PDZD2: variants seen among roughly 807,000 people sequenced by gnomAD.
The protein encoded by PDZD2 is PDZ domain containing 2, also known as PDZ domain-containing protein 2.
PDZD2 carries 90 observed loss-of-function variants against 220.7 expected under a neutral mutation model. That is an observed-to-expected ratio of 0.41 (90% CI 0.34 to 0.49). The LOEUF (loss-of-function observed/expected upper bound fraction) is 0.49. Ranked by LOEUF, PDZD2 falls within the 20% of genes least tolerant of loss-of-function variation. The pLI, the probability that PDZD2 is intolerant of heterozygous loss-of-function variation, is 0.28. For synonymous variants in PDZD2, 1,375 were observed against 1,450.5 expected (o/e 0.95, Z 1.18); for missense variants, 3,174 against 3,608.5 (o/e 0.88, Z 3.08).
intron 6 of PDZD2, among the ~76,000 whole-genome samples, chr5:32,018,419 A>G (rs936923697): frequency 2.0e-5 from 3 of 152,248 alleles, no homozygotes; most frequent in African/African-American, 7.2e-5. Flanking sequence ...TCTGCAGTTC[A>G]GGGACAGAGG....
intron 3 of PDZD2, among the ~76,000 whole-genome samples, chr5:31,988,857 G>A (rs903810187): frequency 9.2e-5 from 14 of 152,062 alleles, no homozygotes; most frequent in Non-Finnish European, 1.9e-4. Context: ...TTTCCTAGGG[G>A]ACCAAGCCTC....
chr5:31,838,005 A>C (rs1757051297), intron 2 of PDZD2, among the ~76,000 whole-genome samples: 7 of 152,252 alleles, frequency 4.6e-5, no homozygotes, highest in Admixed American at 4.6e-4. Flanking sequence ...GAAACAGGTA[A>C]AATACACAAA....
chr5:31,876,415 C>G (rs967538154), intron 2 of PDZD2, among the ~76,000 whole-genome samples: 5 of 151,900 alleles, frequency 3.3e-5, no homozygotes, highest in African/African-American at 1.2e-4. Context: ...GCCTCAGCCT[C>G]CCAAGTACCT....
intron 2 of PDZD2, among the ~76,000 whole-genome samples, chr5:31,969,905 A>T (rs1416235281): frequency 8.0e-5 from 11 of 138,344 alleles, no homozygotes; most frequent in African/African-American, 3.0e-4. Context: ...TTATTTATTT[A>T]TTTATTTTTT....
intron 2 of PDZD2, among the ~76,000 whole-genome samples, chr5:31,920,617 G>C (rs1744158156): frequency 6.6e-6 from 1 of 151,734 alleles, no homozygotes; most frequent in African/African-American, 2.4e-5. Flanking sequence ...GACCAGCCTG[G>C]GAAATATAGT....
At chr5:31,726,687 G>A (rs1021674713) in intron 1 of PDZD2, among the ~76,000 whole-genome samples, 2 of 152,118 alleles carry the variant, frequency 1.3e-5, no homozygotes, top group Admixed American at 6.5e-5. Flanking sequence ...GGGCAGGGCC[G>A]GCCTGGGCTT....
chr5:31,999,843 C>G (rs1751959675), intron 4 of PDZD2, among the ~76,000 whole-genome samples: 1 of 152,200 alleles, frequency 6.6e-6, no homozygotes, highest in Non-Finnish European at 1.5e-5. Flanking sequence ...GTCTTGGTTC[C>G]TCTATCAACA....
intron 1 of PDZD2, among the ~76,000 whole-genome samples, chr5:31,758,260 T>G (rs1240726102): frequency 6.6e-6 from 1 of 152,232 alleles, no homozygotes. Context: ...CAACAAATCT[T>G]GTTCAGTCCA....
intron 1 of PDZD2, among the ~76,000 whole-genome samples, chr5:31,664,279 C>T (rs1210216219): frequency 2.0e-5 from 3 of 151,884 alleles, no homozygotes; most frequent in South Asian, 4.2e-4. Context: ...TCAGGATTAC[C>T]GACACGCACC....
rs549687265 is a variant in PDZD2, at chr5:31,789,704, G to A, written c.-360-9185G>A. Among the ~76,000 whole-genome samples the A allele has an allele frequency of 5.9e-5, 9 of 152,284 alleles. No individual in the cohort carries two copies. The South Asian group carries it at 6.2e-4, about 11-fold the overall frequency. On this transcript the variant is annotated intron_variant, in intron 1 of 24. Transcript: ENST00000438447. ...AGCACTTTGGGAGGCCGAGGCATCCGAGTCAGGAGTTTGAGACCAGCCTGG... is the reference window on the plus strand; with the variant it reads ...AGCACTTTGGGAGGCCGAGGCATCCAAGTCAGGAGTTTGAGACCAGCCTGG...
At chr5:31,979,490 G>C (rs565844872) in intron 2 of PDZD2, among the ~76,000 whole-genome samples, 2 of 151,444 alleles carry the variant, frequency 1.3e-5, no homozygotes, top group Admixed American at 1.3e-4. Context: ...TGAGGCAGGA[G>C]AACCCCTTGA....
chr5:31,938,214 C>G (rs1427984672), intron 2 of PDZD2, among the ~76,000 whole-genome samples: 4 of 152,176 alleles, frequency 2.6e-5, no homozygotes, highest in Non-Finnish European at 2.9e-5. Context: ...TCCCAGCACT[C>G]CACCTTGACC....
rs1044263605 is a variant in PDZD2, at chr5:31,646,195, G to A, written c.-361+6758G>A. 3.9e-5 allele frequency among the ~76,000 whole-genome samples: 6 copies of A among 152,126 alleles called. No individual in the cohort carries two copies. Among genetic ancestry groups the A allele is most frequent in the Admixed American group, 2.6e-4 (4 of 15,270 alleles). On this transcript the variant is annotated intron_variant, in intron 1 of 24. Transcript: ENST00000438447. The surrounding 1 kb of genome is among the most constrained non-coding windows in gnomAD (Gnocchi z 4.7). ...TGAACCTGGCTTGTCCTGTTTACACGTCCTGGGATGTTACTGTAATTCCAG... is the reference window on the plus strand; with the variant it reads ...TGAACCTGGCTTGTCCTGTTTACACATCCTGGGATGTTACTGTAATTCCAG...
intron 2 of PDZD2, among the ~76,000 whole-genome samples, chr5:31,981,798 A>G (rs765521604): frequency 6.6e-5 from 10 of 152,208 alleles, no homozygotes; most frequent in Non-Finnish European, 1.5e-4. Context: ...CTTAGGTAGC[A>G]TGAGTGGAGG....
intron 2 of PDZD2, chr5:31,822,795 G>T: frequency 2.1e-6 from 2 of 931,862 alleles, no homozygotes; most frequent in South Asian, 1.3e-5. Context: ...AGAAATTTCA[G>T]ATTTCAACAG....
chr5:31,765,225 A>C (rs1751929535), intron 1 of PDZD2, among the ~76,000 whole-genome samples: 1 of 152,168 alleles, frequency 6.6e-6, no homozygotes, highest in East Asian at 1.9e-4. Context: ...GACCACTGGC[A>C]TTCCTTCAAC....
At chr5:31,710,976 A>G (rs900810698) in intron 1 of PDZD2, among the ~76,000 whole-genome samples, 2 of 152,188 alleles carry the variant, frequency 1.3e-5, no homozygotes, top group African/African-American at 4.8e-5. Context: ...AAGAAAAAAG[A>G]CACACACAAA....
intron 2 of PDZD2, among the ~76,000 whole-genome samples, chr5:31,935,756 T>A (rs1745665874): frequency 6.6e-6 from 1 of 152,236 alleles, no homozygotes; most frequent in African/African-American, 2.4e-5. Flanking sequence ...TTTTTAGTTA[T>A]GTGAAGTACA....
chr5:31,861,082 C>G (rs528005208), intron 2 of PDZD2, among the ~76,000 whole-genome samples: 42 of 152,278 alleles, frequency 2.8e-4, no homozygotes, highest in African/African-American at 8.7e-4. Context: ...GGTATGCCCA[C>G]TACCAAGAAA....
Sources: allele counts gnomAD v4.1 joint callset (sites outside exome capture counted in the v4.1 genomes callset), GRCh38; gene constraint gnomAD v4.1.1; non-coding constraint Gnocchi (gnomAD v3.1); transcripts MANE v1.5; gene names NCBI Gene and HGNC (gene_info 2026-07-23, HGNC 2026-07-21).